Variants in IFNAR1 observed in about 807,000 individuals in gnomAD.
IFNAR1 encodes the protein interferon alpha and beta receptor subunit 1.
A neutral mutation model predicts 62.1 loss-of-function variants in IFNAR1; 47 were observed. The observed-to-expected ratio is 0.76, with a 90% CI of 0.60 to 0.97. The LOEUF is 0.97. IFNAR1 is among the 50% of genes least tolerant of loss of function. IFNAR1 has a pLI of 0.00. For missense variants in IFNAR1, 638 were observed against 654.5 expected, an observed-to-expected ratio of 0.97 and a Z score of 0.27; for synonymous variants, 219 against 226.9, an observed-to-expected ratio of 0.97 and a Z score of 0.31.
chr21:33,349,798 C>T (rs957891906), intron 8 of IFNAR1, among the ~76,000 whole-genome samples: 4 of 151,770 alleles, frequency 2.6e-5, no homozygotes, highest in Admixed American at 1.3e-4. Flanking sequence ...TGGTGGCGTG[C>T]ACCTATATTC....
chr21:33,343,128 T>TA (rs1432985811), intron 3 of IFNAR1, 140 bp from the exon 4 acceptor site: 1 of 660,628 alleles, frequency 1.5e-6, no homozygotes, highest in Non-Finnish European at 2.6e-6. Flanking sequence ...CTGGTGATCT[T>TA]ACAGCTTTCT....
intron 1 of IFNAR1, 24 bp downstream of exon 1, chr21:33,325,155 T>C: frequency 6.2e-7 from 1 of 1,600,202 alleles, no homozygotes; most frequent in East Asian, 2.2e-5. Context: ...AGGAGAGTCT[T>C]GGCGCAGGGC....
chr21:33,352,107 G>C lies in IFNAR1; in HGVS notation c.1144-651G>C, dbSNP rs188009597. ...TAAATAATGCTTGCAAGACCACACA[G>C]CTGTAAGTGATACTCTTAATAAGGC... On this transcript the variant is annotated intron_variant, in intron 8 of 10. Transcript: ENST00000270139. 5.3e-4 allele frequency among the ~76,000 whole-genome samples: 80 copies of C among 152,232 alleles called. 2 individuals carry two copies. Among genetic ancestry groups the C allele is most frequent in the African/African-American group, 1.9e-3 (77 of 41,548 alleles).
chr21:33,358,708 A>G lies in IFNAR1; in HGVS notation c.*3159A>G, dbSNP rs1266024668. ...TTATAAAAAAGTTACTTTTAAAAAT[A>G]TAAGTTAGGGCTAGGCACAGTGGCT... is the stretch of plus-strand genomic sequence containing the variant. On this transcript the variant is annotated 3_prime_UTR_variant, in exon 11 of 11. Coordinates refer to ENST00000270139, the MANE Select transcript of IFNAR1 (RefSeq NM_000629.3). The G allele has an allele frequency of 6.6e-6, 1 of 152,088 alleles. No homozygotes were observed. The highest frequency in any genetic ancestry group is 1.5e-5 in the Non-Finnish European group (1 of 68,022). 9.4% of individuals were successfully genotyped at this position (152,088 alleles called of 1,614,324 possible). A position where few individuals can be genotyped will look rare whatever the true frequency, so the allele number is the denominator to read the frequency against.
rs1470139192 is a variant in IFNAR1, at chr21:33,349,150, G to C, written c.848G>C (p.Cys283Ser). 3 of 1,613,050 alleles carry C rather than the reference G, an allele frequency of 1.9e-6. No homozygotes were observed. The highest frequency in any genetic ancestry group is 3.3e-5 in the Admixed American group (2 of 59,960). ...TATAAATGGAAACAAATACCTGACT[G>C]TGAAAATGTCAAAACTACCCAGTGT... is the stretch of plus-strand genomic sequence containing the variant. ...HLYKWKQIPD[C>S]ENVKTTQCVF... Residue 283 changes from cysteine (C) to serine (S), a missense_variant, in exon 7 of 11, where the codon TGT (cysteine) becomes TCT (serine). Coordinates refer to ENST00000270139, the MANE Select transcript of IFNAR1 (RefSeq NM_000629.3).
In IFNAR1 at chr21:33,346,767, G is replaced by A. The variant is rs1415489162; in HGVS notation, c.788+1407G>A. On this transcript the variant is annotated intron_variant, in intron 6 of 10. Coordinates refer to ENST00000270139, the MANE Select transcript of IFNAR1 (RefSeq NM_000629.3). ...GGTTGCAGAAATTGAAAATGTAAAG[G>A]TGAATAGGGGCTAAAGAGACCAAAG... is the stretch of plus-strand genomic sequence containing the variant. Among the ~76,000 whole-genome samples, 4 of 152,302 alleles carry A rather than the reference G, an allele frequency of 2.6e-5. No individual in the cohort carries two copies. The East Asian group carries it at 7.7e-4, about 29-fold the overall frequency.
intron 1 of IFNAR1, among the ~76,000 whole-genome samples, chr21:33,326,866 A>G (rs938787132): frequency 1.3e-5 from 2 of 152,090 alleles, no homozygotes; most frequent in African/African-American, 4.8e-5. Context: ...GAAATTCTTC[A>G]TACTTACTTG....
At chr21:33,351,949 G>T (rs761576395) in intron 8 of IFNAR1, among the ~76,000 whole-genome samples, 1 of 151,910 alleles carries the variant, frequency 6.6e-6, no homozygotes, top group Non-Finnish European at 1.5e-5. Flanking sequence ...CTCCTGCTTG[G>T]CCTCCCAAAG....
chr21:33,351,256 C>G (rs1347292733), intron 8 of IFNAR1, among the ~76,000 whole-genome samples: 1 of 152,154 alleles, frequency 6.6e-6, no homozygotes, highest in African/African-American at 2.4e-5. Context: ...ACCACCAGAC[C>G]GTAGATGCTG....
At chr21:33,327,299 G>A (rs1004657283) in intron 1 of IFNAR1, among the ~76,000 whole-genome samples, 8 of 152,104 alleles carry the variant, frequency 5.3e-5, no homozygotes, top group South Asian at 2.1e-4. Context: ...TTAGGTTAGC[G>A]GACAGGTGGC....
At chr21:33,353,224 A>G (rs1043559079) in intron 9 of IFNAR1, among the ~76,000 whole-genome samples, 3 of 152,238 alleles carry the variant, frequency 2.0e-5, no homozygotes, top group African/African-American at 7.2e-5. Context: ...CATAATTATC[A>G]TGTAGAAATC....
intron 1 of IFNAR1, among the ~76,000 whole-genome samples, chr21:33,329,931 C>T (rs1372482464): frequency 6.6e-6 from 1 of 152,140 alleles, no homozygotes; most frequent in African/African-American, 2.4e-5. Flanking sequence ...GAATCTGTCT[C>T]CTCACCTAGA....
chr21:33,346,504 T>C (rs1311599413), intron 6 of IFNAR1, among the ~76,000 whole-genome samples: 1 of 152,256 alleles, frequency 6.6e-6, no homozygotes, highest in African/African-American at 2.4e-5. Flanking sequence ...TTCAGTAGTC[T>C]TTTGTGTATA....
At chr21:33,324,898 T>TGTGTGG (rs1331105651), upstream of IFNAR1, 9 of 632,190 alleles carry the variant, frequency 1.4e-5, no homozygotes, top group African/African-American at 1.7e-4. Flanking sequence ...GGGCGGTGTG[T>TGTGTGG]GTGTCAGAAG....
chr21:33,354,990 C>CAAA (rs34554477), intron 10 of IFNAR1, among the ~76,000 whole-genome samples: 3 of 145,066 alleles, frequency 2.1e-5, no homozygotes, highest in African/African-American at 7.6e-5. Context: ...TTTATTATTT[C>CAAA]AAAAAAAAAA....
intron 1 of IFNAR1, chr21:33,334,554 A>G: frequency 3.9e-6 from 2 of 516,226 alleles, no homozygotes; most frequent in Non-Finnish European, 3.8e-6. Context: ...TACCGCTAGA[A>G]CTGCCCTGCG....
rs2083438517 is a variant in IFNAR1, at chr21:33,355,464, A to T, written c.1589A>T (p.Gln530Leu). ...GAAGATCATAAAAAATACAGTTCCC[A>T]AACTAGCCAAGATTCAGGAAATTAT... Reference protein sequence around the residue: ...TDEDHKKYSSQTSQDSGNYSN... With the variant: ...TDEDHKKYSSLTSQDSGNYSN... The change falls in exon 11 of 11, where the codon CAA becomes CTA. Residue 530 changes from glutamine (Q) to leucine (L), a missense_variant. Transcript: ENST00000270139. The T allele has an allele frequency of 1.2e-6, 2 of 1,608,244 alleles. No homozygotes were observed. The highest frequency in any genetic ancestry group is 1.7e-5 in the Admixed American group (1 of 58,884).
intron 2 of IFNAR1, among the ~76,000 whole-genome samples, chr21:33,338,315 C>T (rs1303837332): frequency 6.6e-6 from 1 of 152,054 alleles, no homozygotes. Flanking sequence ...GGTGGATCAC[C>T]TGAAGTCAGG....
Position 33,334,076 on chromosome 21 carries a change from A to T in IFNAR1, c.77-1448A>T, listed in dbSNP as rs557328663. On this transcript the variant is annotated intron_variant, in intron 1 of 10. Coordinates refer to ENST00000270139, the MANE Select transcript of IFNAR1 (RefSeq NM_000629.3). ...ACATTAAGTCAAAAACTGTAAAAAC[A>T]GACAAAGAAGGTTATTATATAATGA... 1.5e-3 allele frequency among the ~76,000 whole-genome samples: 236 copies of T among 152,320 alleles called. 1 individual carries two copies. In the South Asian group the frequency reaches 0.027, roughly 17 times the overall value.
Sources: gnomAD v4.1 joint callset for allele counts (sites outside exome capture counted in the v4.1 genomes callset) on GRCh38, gnomAD v4.1.1 for gene constraint, MANE v1.5 for transcripts, NCBI Gene and HGNC (gene_info 2026-07-23, HGNC 2026-07-21) for gene names.